The following TMPRSS15 variants were observed in gnomAD, a reference collection of about 807,000 sequenced individuals.
TMPRSS15 encodes the protein transmembrane serine protease 15.
Under a neutral mutation model 125.3 loss-of-function variants are expected in TMPRSS15, and 128 were observed. The observed-to-expected ratio is 1.02, with a 90% CI of 0.89 to 1.18. TMPRSS15 has a LOEUF of 1.18. Among genes scored for constraint, TMPRSS15 ranks in the 50% most tolerant of loss-of-function variants. The probability of loss-of-function intolerance (pLI) is 0.00; values close to 1 mark genes in which losing one functional copy is unlikely to be tolerated. For missense variants in TMPRSS15, 1,283 were observed against 1,212.7 expected (o/e 1.06, Z -0.86); for synonymous variants, 446 against 423.2 (o/e 1.05, Z -0.66).
intron 1 of TMPRSS15, among the ~76,000 whole-genome samples, chr21:18,428,892 C>A (rs923263869): frequency 6.6e-6 from 1 of 152,092 alleles, no homozygotes; most frequent in Non-Finnish European, 1.5e-5. Flanking sequence ...TCCTCCAGAC[C>A]CCAGAATGGT....
rs189219873 is a variant in TMPRSS15 at position 18,276,267 on chromosome 21, T to C, written c.2765-931A>G. On this transcript the variant is annotated intron_variant, in intron 23 of 24. Transcript: ENST00000284885. Reference sequence around the variant, plus strand: ...TATATATGACTCAGTAGTGCATTGGTAAATGTATATCAATTTTCTCTCCAG... The same window carrying C: ...TATATATGACTCAGTAGTGCATTGGCAAATGTATATCAATTTTCTCTCCAG... Among the ~76,000 whole-genome samples, 30 of 152,336 alleles carry C rather than the reference T, an allele frequency of 2.0e-4. 1 individual carries two copies. The highest frequency in any genetic ancestry group is 2.4e-5 in the African/African-American group (1 of 41,588).
chr21:18,377,974 T>C (rs979958356), intron 5 of TMPRSS15, among the ~76,000 whole-genome samples: 4 of 152,182 alleles, frequency 2.6e-5, no homozygotes, highest in African/African-American at 7.2e-5. Flanking sequence ...TCTGGCTTTA[T>C]TTGAAACACT....
chr21:18,332,929 T>C (rs1220401818), intron 13 of TMPRSS15, among the ~76,000 whole-genome samples: 2 of 152,126 alleles, frequency 1.3e-5, no homozygotes, highest in Non-Finnish European at 2.9e-5. Flanking sequence ...AATAATAAGA[T>C]CATGACATTT....
chr21:18,339,537 T>G (rs373957917), intron 13 of TMPRSS15, among the ~76,000 whole-genome samples: 2 of 152,158 alleles, frequency 1.3e-5, no homozygotes, highest in East Asian at 3.9e-4. Flanking sequence ...GGTAAAAGTA[T>G]TAAGTGTGCT....
intron 1 of TMPRSS15, among the ~76,000 whole-genome samples, chr21:18,441,127 T>C (rs1228210542): frequency 6.6e-6 from 1 of 151,128 alleles, no homozygotes; most frequent in Non-Finnish European, 1.5e-5. Flanking sequence ...ATCCTGTTTC[T>C]ACTAAAAATA....
chr21:18,353,658 T>G (rs1457970776), intron 9 of TMPRSS15, 65 bp downstream of exon 9: 3 of 1,494,928 alleles, frequency 2.0e-6, no homozygotes, highest in Admixed American at 3.6e-5. Context: ...TCTGCTACCT[T>G]TAAAATTCCA....
chr21:18,351,262 T>G (rs1343269121), intron 10 of TMPRSS15, among the ~76,000 whole-genome samples: 1 of 152,188 alleles, frequency 6.6e-6, no homozygotes, highest in African/African-American at 2.4e-5. Context: ...TTTTATTCAG[T>G]CAATAACTTA....
chr21:18,404,909 AAT>A (rs1316186010), upstream of TMPRSS15, among the ~76,000 whole-genome samples: 4 of 151,990 alleles, frequency 2.6e-5, no homozygotes, highest in Non-Finnish European at 4.4e-5. Flanking sequence ...AATTGACTTA[AAT>A]ATATATATGA....
upstream of TMPRSS15, among the ~76,000 whole-genome samples, chr21:18,405,133 T>C (rs2076140942): frequency 6.6e-6 from 1 of 152,074 alleles, no homozygotes; most frequent in African/African-American, 2.4e-5. Context: ...GAATATCATA[T>C]AGCGCTTTAA....
At chr21:18,430,719 A>G (rs1601460226) in intron 1 of TMPRSS15, among the ~76,000 whole-genome samples, 1 of 152,254 alleles carries the variant, frequency 6.6e-6, no homozygotes, top group African/African-American at 2.4e-5. Context: ...TCATTTCCGG[A>G]TACAAGTAAT....
intron 21 of TMPRSS15, among the ~76,000 whole-genome samples, chr21:18,288,486 A>AT (rs1409208727): frequency 6.7e-6 from 1 of 150,074 alleles, no homozygotes; most frequent in Non-Finnish European, 1.5e-5. Flanking sequence ...CACAAATAGC[A>AT]TTTAAAAGAG....
intron 8 of TMPRSS15, among the ~76,000 whole-genome samples, chr21:18,357,409 G>A (rs1181694995): frequency 1.3e-5 from 2 of 151,720 alleles, no homozygotes; most frequent in African/African-American, 2.4e-5. Flanking sequence ...GGAAAAAAAT[G>A]CCTTTAGGAT....
intron 7 of TMPRSS15, among the ~76,000 whole-genome samples, chr21:18,360,381 G>T (rs932617982): frequency 1.3e-5 from 2 of 152,004 alleles, no homozygotes; most frequent in Admixed American, 1.3e-4. Flanking sequence ...TGTAACTAAT[G>T]CTGAAATGAA....
chr21:18,269,315 T>TTATC lies in TMPRSS15; in HGVS notation c.*650_*653dup, dbSNP rs2074525436. On this transcript the variant is annotated 3_prime_UTR_variant, in exon 25 of 25. Transcript: ENST00000284885. Reference sequence around the variant, plus strand: ...CTTGCTTGAAATAAATAGGTAAAATTTATCTAATATACAATGACTATATCA... The same window carrying TTATC: ...CTTGCTTGAAATAAATAGGTAAAATTTATCTATCTAATATACAATGACTATATCA... 1 of 152,210 alleles carries TTATC rather than the reference T, an allele frequency of 6.6e-6. No homozygotes were observed. Among genetic ancestry groups the TTATC allele is most frequent in the African/African-American group, 2.4e-5 (1 of 41,454 alleles). The allele number at this position is 152,210 out of a possible 1,614,324, so 9.4% of individuals were successfully genotyped here. A position where few individuals can be genotyped will look rare whatever the true frequency, so the allele number is the denominator to read the frequency against.
chr21:18,434,766 A>G (rs1405759904), intron 1 of TMPRSS15, among the ~76,000 whole-genome samples: 1 of 152,118 alleles, frequency 6.6e-6, no homozygotes, highest in African/African-American at 2.4e-5. Flanking sequence ...GAAATTACAT[A>G]TTTGGAAGAA....
chr21:18,462,601 A>C (rs1978572006), intron 1 of TMPRSS15, among the ~76,000 whole-genome samples: 1 of 152,146 alleles, frequency 6.6e-6, no homozygotes, highest in African/African-American at 2.4e-5. Context: ...ACTTTATTAA[A>C]AGTATTTTTA....
intron 1 of TMPRSS15, among the ~76,000 whole-genome samples, chr21:18,475,017 GC>G (rs1311819051): frequency 6.6e-6 from 1 of 152,096 alleles, no homozygotes; most frequent in Non-Finnish European, 1.5e-5. Context: ...AATATAGAGT[GC>G]CCCCACTTCA....
At chr21:18,427,274 T>C (rs537950432) in intron 1 of TMPRSS15, among the ~76,000 whole-genome samples, 1 of 152,226 alleles carries the variant, frequency 6.6e-6, no homozygotes. Context: ...AGAGCCCCAG[T>C]TTTTATCAGA....
intron 1 of TMPRSS15, among the ~76,000 whole-genome samples, chr21:18,425,529 A>G (rs553031582): frequency 6.6e-6 from 1 of 152,174 alleles, no homozygotes; most frequent in African/African-American, 2.4e-5. Context: ...CTGGAGAAAT[A>G]ATGGTTCTTT....
Sources: gnomAD v4.1 joint callset for allele counts (sites outside exome capture counted in the v4.1 genomes callset) on GRCh38, gnomAD v4.1.1 for gene constraint, MANE v1.5 for transcripts, NCBI Gene and HGNC (gene_info 2026-07-23, HGNC 2026-07-21) for gene names.